CLCN5: variants seen among roughly 807,000 people sequenced by gnomAD.
CLCN5 encodes Cl-/H+ antiporter 5, also known as H(+)/Cl(-) exchange transporter 5.
CLCN5 carries 17 observed loss-of-function variants against 54.0 expected under a neutral mutation model. That is an observed-to-expected ratio of 0.31 (90% CI 0.22 to 0.47). CLCN5 has a LOEUF of 0.47. Among genes scored for constraint, CLCN5 ranks in the 20% least tolerant of loss-of-function variants. CLCN5 has a pLI of 1.00. For synonymous variants in CLCN5, 222 were observed against 233.0 expected (o/e 0.95, Z 0.43); for missense variants, 448 against 646.7 (o/e 0.69, Z 3.33).
At chrX:49,970,623 G>A (rs1343674616) in intron 3 of CLCN5, among the ~76,000 whole-genome samples, 6 of 111,941 alleles carry the variant, frequency 5.4e-5, no homozygotes, top group African/African-American at 1.9e-4. Context: ...ATTCCTCTGT[G>A]TGGATATATG....
chrX:49,971,032 C>T (rs1303020289), intron 3 of CLCN5, among the ~76,000 whole-genome samples: 1 of 109,392 alleles, frequency 9.1e-6, no homozygotes, highest in African/African-American at 3.3e-5. Context: ...AAATTTATTG[C>T]TAAGTATGAT....
In CLCN5 at chrX:49,968,889, C is replaced by A. The variant is rs782043005; in HGVS notation, c.16+43575C>A. Among the ~76,000 whole-genome samples the A allele has an allele frequency of 1.4e-4, 11 of 81,386 alleles. 1 individual carries two copies. The highest frequency in any genetic ancestry group is 4.7e-4 in the South Asian group (1 of 2,107). 70.7% of individuals were successfully genotyped at this position (81,386 alleles called of 115,157 possible). A position where few individuals can be genotyped will look rare whatever the true frequency, so the allele number is the denominator to read the frequency against. On this transcript the variant is annotated intron_variant, in intron 3 of 14. Transcript: ENST00000376091. ...ATCAGAGTGAACAGGCAACCTACAA[C>A]ATGGGAGAAAATTTTTGCAACCTAC...
rs782554663 is a variant in CLCN5 at position 49,965,234 on chromosome X, A to T, written c.16+39920A>T. Among the ~76,000 whole-genome samples, 4 of 111,004 alleles carry T rather than the reference A, an allele frequency of 3.6e-5. No individual in the cohort carries two copies. The East Asian group carries it at 1.1e-3, about 32-fold the overall frequency. ...CCTTGAGAACATGTGATTTTTATCA[A>T]TTTTTTCAGCTCTATTGAGATATAA... is the stretch of plus-strand genomic sequence containing the variant. On this transcript the variant is annotated intron_variant, in intron 3 of 14. Coordinates refer to ENST00000376091, the MANE Select transcript of CLCN5 (RefSeq NM_001127898.4).
intron 9 of CLCN5, chrX:50,085,766 C>T: frequency 2.3e-6 from 1 of 439,031 alleles, no homozygotes; most frequent in East Asian, 3.9e-5. Flanking sequence ...AAATGAATTA[C>T]AAAGGAAAGG....
Position 49,930,688 on chromosome X carries a change from C to G in CLCN5, c.16+5374C>G, listed in dbSNP as rs1015701547. Among the ~76,000 whole-genome samples the G allele has an allele frequency of 2.7e-5, 3 of 111,412 alleles. No homozygotes were observed. In the Admixed American group the frequency reaches 2.9e-4, roughly 11 times the overall value. On this transcript the variant is annotated intron_variant, in intron 3 of 14. Coordinates refer to ENST00000376091, the MANE Select transcript of CLCN5 (RefSeq NM_001127898.4). ...AGCATACTCAGGTCCTGCAGTTGGCCTTACAGAACCTGCATATAGGAAAAT... is the reference window on the plus strand; with the variant it reads ...AGCATACTCAGGTCCTGCAGTTGGCGTTACAGAACCTGCATATAGGAAAAT...
At chrX:49,961,169 G>A (rs782643909) in intron 3 of CLCN5, among the ~76,000 whole-genome samples, 69 of 111,989 alleles carry the variant, frequency 6.2e-4, no homozygotes, top group African/African-American at 2.2e-3. Context: ...ATTCCAGGGT[G>A]GTTCATAGTG....
At chrX:50,049,338 T>C (rs1932502235) in intron 4 of CLCN5, among the ~76,000 whole-genome samples, 1 of 111,960 alleles carries the variant, frequency 8.9e-6, no homozygotes, top group Admixed American at 9.4e-5. Flanking sequence ...GGCTATACCA[T>C]ACAGTCTAGG....
intron 4 of CLCN5, among the ~76,000 whole-genome samples, chrX:50,068,456 G>T (rs1933112103): frequency 9.0e-6 from 1 of 110,795 alleles, no homozygotes; most frequent in South Asian, 4.0e-4. Context: ...AGATTAACTT[G>T]TTCACCTTTT....
At chrX:50,066,790 C>G (rs1569539939) in intron 4 of CLCN5, among the ~76,000 whole-genome samples, 1 of 112,174 alleles carries the variant, frequency 8.9e-6, no homozygotes, top group Non-Finnish European at 1.9e-5. Flanking sequence ...CATTACTACT[C>G]AGAAACAACT....
At chrX:50,057,251 T>G (rs1932766300) in intron 4 of CLCN5, among the ~76,000 whole-genome samples, 1 of 108,183 alleles carries the variant, frequency 9.2e-6, no homozygotes, top group Non-Finnish European at 1.9e-5. Context: ...GTTATTTATC[T>G]GTAGCTACTG....
intron 7 of CLCN5, among the ~76,000 whole-genome samples, chrX:50,080,063 A>T (rs1933621773): frequency 9.0e-6 from 1 of 111,498 alleles, no homozygotes; most frequent in African/African-American, 3.3e-5. Flanking sequence ...ACAATAAAAA[A>T]ATTTTAAAAA....
intron 3 of CLCN5, among the ~76,000 whole-genome samples, chrX:50,000,501 C>G (rs1371667343): frequency 9.0e-6 from 1 of 111,291 alleles, no homozygotes; most frequent in East Asian, 2.9e-4. Flanking sequence ...TTCTCTCTTC[C>G]TTTTCCTCCC....
chrX:49,925,015 C>G (rs1426514663), intron 2 of CLCN5, among the ~76,000 whole-genome samples, 156 bp from the exon 3 acceptor site: 1 of 113,014 alleles, frequency 8.8e-6, no homozygotes. Flanking sequence ...AGATCTCTCT[C>G]TCTTCAGAGA....
intron 3 of CLCN5, among the ~76,000 whole-genome samples, chrX:49,986,591 A>G (rs1929005463): frequency 1.8e-5 from 2 of 111,797 alleles, no homozygotes; most frequent in African/African-American, 6.5e-5. Flanking sequence ...AGCAGATATG[A>G]TATTTAGCAC....
intron 9 of CLCN5, among the ~76,000 whole-genome samples, chrX:50,084,954 T>C (rs368042367): frequency 3.6e-5 from 4 of 111,789 alleles, no homozygotes; most frequent in African/African-American, 1.3e-4. Context: ...AAGTTGCATG[T>C]TGGCTGTCCT....
At chrX:50,057,452 T>C (rs1932774842) in intron 4 of CLCN5, among the ~76,000 whole-genome samples, 1 of 32,928 alleles carries the variant, frequency 3.0e-5, no homozygotes, top group Non-Finnish European at 5.3e-5. Flanking sequence ...TATCCAGGAC[T>C]CTCCTGGATA....
intron 3 of CLCN5, among the ~76,000 whole-genome samples, chrX:49,971,417 G>T (rs1928206605): frequency 9.2e-6 from 1 of 108,832 alleles, no homozygotes; most frequent in African/African-American, 3.3e-5. Flanking sequence ...GAAGGTGTGA[G>T]ATTGTACACT....
intron 5 of CLCN5, among the ~76,000 whole-genome samples, chrX:50,071,219 T>G (rs1456822559): frequency 9.0e-6 from 1 of 111,204 alleles, no homozygotes; most frequent in Non-Finnish European, 1.9e-5. Flanking sequence ...AAGTACAGGT[T>G]TTGAGAAATT....
At chrX:49,971,975 T>TAA (rs1928237265) in intron 3 of CLCN5, among the ~76,000 whole-genome samples, 1 of 111,872 alleles carries the variant, frequency 8.9e-6, no homozygotes, top group Non-Finnish European at 1.9e-5. Context: ...TTTTTAAGAA[T>TAA]GTATTTGGAA....
Sources: allele counts gnomAD v4.1 joint callset (sites outside exome capture counted in the v4.1 genomes callset), GRCh38; gene constraint gnomAD v4.1.1; transcripts MANE v1.5; gene names NCBI Gene and HGNC (gene_info 2026-07-23, HGNC 2026-07-21).